TRAPPC8: variants seen among roughly 807,000 people sequenced by gnomAD.
The protein encoded by TRAPPC8 is trafficking protein particle complex subunit 8.
TRAPPC8 carries 54 observed loss-of-function variants against 174.3 expected under a neutral mutation model. The observed-to-expected ratio is 0.31, with a 90% confidence interval of 0.25 to 0.39. The LOEUF is 0.39. Ranked by LOEUF, TRAPPC8 falls within the 10% of genes least tolerant of loss-of-function variation. The probability of loss-of-function intolerance (pLI) is 1.00; values close to 1 mark genes in which losing one functional copy is unlikely to be tolerated. For missense variants in TRAPPC8, 1,531 were observed against 1,699.1 expected, an observed-to-expected ratio of 0.90 and a Z score of 1.74; for synonymous variants, 630 against 579.9, an observed-to-expected ratio of 1.09 and a Z score of -1.24.
intron 20 of TRAPPC8, among the ~76,000 whole-genome samples, chr18:31,857,256 A>C (rs2034070826): frequency 1.3e-5 from 2 of 152,208 alleles, no homozygotes; most frequent in African/African-American, 4.8e-5. Flanking sequence ...TGTTAATTTC[A>C]TTATTATGTG....
At chr18:31,903,338 A>G (rs1487198976) in intron 9 of TRAPPC8, among the ~76,000 whole-genome samples, 23 of 152,236 alleles carry the variant, frequency 1.5e-4, no homozygotes. Context: ...ATAAGCTTTC[A>G]ATCTTAAAAT....
chr18:31,941,519 G>A (rs970713940), intron 1 of TRAPPC8, among the ~76,000 whole-genome samples: 1 of 152,158 alleles, frequency 6.6e-6, no homozygotes, highest in Non-Finnish European at 1.5e-5. Flanking sequence ...CAACACTGAA[G>A]GAACTGAGAC....
chr18:31,939,146 T>C (rs1357872916), intron 1 of TRAPPC8, among the ~76,000 whole-genome samples: 1 of 137,796 alleles, frequency 7.3e-6, no homozygotes, highest in African/African-American at 2.6e-5. Flanking sequence ...AAAAAGTAGC[T>C]GTTCTAGGTG....
chr18:31,836,667 G>A (rs1012894987), intron 27 of TRAPPC8, among the ~76,000 whole-genome samples: 1 of 151,928 alleles, frequency 6.6e-6, no homozygotes, highest in African/African-American at 2.4e-5. Flanking sequence ...GGATCACCTG[G>A]AGAACTTAAG....
At chr18:31,940,976 C>T (rs1285223852) in intron 1 of TRAPPC8, among the ~76,000 whole-genome samples, 7 of 152,294 alleles carry the variant, frequency 4.6e-5, no homozygotes, top group African/African-American at 1.7e-4. Flanking sequence ...CAAATTAACA[C>T]TTCTATGCTT....
chr18:31,860,943 A>G (rs554106156), intron 19 of TRAPPC8, among the ~76,000 whole-genome samples: 1 of 152,332 alleles, frequency 6.6e-6, no homozygotes, highest in South Asian at 2.1e-4. Flanking sequence ...ATCTGTAGAT[A>G]AAAATCCAGA....
chr18:31,905,785 C>A (rs1337151574), intron 9 of TRAPPC8, among the ~76,000 whole-genome samples: 1 of 152,064 alleles, frequency 6.6e-6, no homozygotes, highest in Non-Finnish European at 1.5e-5. Flanking sequence ...CTTTATTTTC[C>A]AGTGCTATAT....
chr18:31,832,141 G>A lies in TRAPPC8; in HGVS notation c.4016C>T (p.Ser1339Phe). 1 of 1,551,422 alleles carries A rather than the reference G, an allele frequency of 6.4e-7. No homozygotes were observed. Among genetic ancestry groups the A allele is most frequent in the Non-Finnish European group, 8.6e-7 (1 of 1,158,966 alleles). ...LCLVPVTLLL[S>F]NCSKADVDVI... ...ATCTACATCAGCCTTAGAACAATTGGAAAGTAAAAGAGTGACTGGTACTAA... is the reference window on the plus strand; with the variant it reads ...ATCTACATCAGCCTTAGAACAATTGAAAAGTAAAAGAGTGACTGGTACTAA... The change falls in exon 28 of 29, where the codon TCC becomes TTC. Residue 1339 changes from serine to phenylalanine, a missense_variant. Ser to Phe is a radical substitution (Grantham distance 155). Coordinates refer to ENST00000283351, the MANE Select transcript of TRAPPC8 (RefSeq NM_014939.5).
At chr18:31,913,333 T>G in intron 5 of TRAPPC8, 36 bp downstream of exon 5, 1 of 1,535,286 alleles carries the variant, frequency 6.5e-7, no homozygotes, top group Admixed American at 2.3e-5. Flanking sequence ...TGAAGTATCG[T>G]TTTTGTGGTT....
At chr18:31,871,191 A>G (rs1252811916) in intron 14 of TRAPPC8, 71 bp from the exon 15 acceptor site, 5 of 879,894 alleles carry the variant, frequency 5.7e-6, no homozygotes, top group Non-Finnish European at 8.2e-6. Flanking sequence ...AAATAGACAT[A>G]AGGTACAGAA....
chr18:31,832,168 CA>C lies in TRAPPC8; in HGVS notation c.3988del (p.Cys1330ValfsTer2). 6.6e-7 allele frequency: 1 copy of C among 1,505,890 alleles called. No individual in the cohort carries two copies. The highest frequency in any genetic ancestry group is 2.6e-5 in the Admixed American group (1 of 38,268). The allele number at this position is 1,505,890 out of a possible 1,614,324, so 93.3% of individuals were successfully genotyped here. A position where few individuals can be genotyped will look rare whatever the true frequency, so the allele number is the denominator to read the frequency against. On this transcript the variant is annotated frameshift_variant, in exon 28 of 29. Coordinates refer to ENST00000283351, the MANE Select transcript of TRAPPC8 (RefSeq NM_014939.5). LOFTEE classifies it high-confidence loss of function. ...FNHPFHQKSL[C>X]LVPVTLLLSN... is the part of the protein sequence containing the mutation. ...AAGTAAAAGAGTGACTGGTACTAAA[CA>C]AAGGCTATGGAAGAAAAATAAACAA... is the stretch of plus-strand genomic sequence containing the variant.
chr18:31,887,336 AG>A (rs1187099987), intron 12 of TRAPPC8, among the ~76,000 whole-genome samples: 2 of 152,208 alleles, frequency 1.3e-5, no homozygotes, highest in Non-Finnish European at 2.9e-5. Context: ...TGGGTATCAA[AG>A]GAACATACCT....
rs2035049950 is a variant in TRAPPC8 at position 31,874,599 on chromosome 18, AG to A, written c.1833del (p.Tyr612IlefsTer17). ...GCATTATCCAGCTGTCTAAGAGTAT[AG>A]GACTGGCGCCCAATAGTGAAATTAA... ...DHINFTIGRQSYTLRQLDNAV... is the reference protein window; with the variant it reads ...DHINFTIGRQXYTLRQLDNAV... On this transcript the variant is annotated frameshift_variant, in exon 13 of 29. Coordinates refer to ENST00000283351, the MANE Select transcript of TRAPPC8 (RefSeq NM_014939.5). LOFTEE classifies it high-confidence loss of function. 1 of 1,614,036 alleles carries A rather than the reference AG, an allele frequency of 6.2e-7. No homozygotes were observed. The highest frequency in any genetic ancestry group is 8.5e-7 in the Non-Finnish European group (1 of 1,180,016).
At chr18:31,877,923 CAAAAA>C (rs147914322) in intron 12 of TRAPPC8, among the ~76,000 whole-genome samples, 1 of 74,634 alleles carries the variant, frequency 1.3e-5, no homozygotes. Context: ...AACTCTGTCT[CAAAAA>C]AAAAAAAAAA....
intron 2 of TRAPPC8, among the ~76,000 whole-genome samples, chr18:31,921,715 T>C (rs969823268): frequency 3.9e-5 from 6 of 152,152 alleles, no homozygotes; most frequent in East Asian, 1.9e-4. Context: ...CAATGTATAA[T>C]GTAGCTTTCT....
In TRAPPC8 at chr18:31,870,508, A is replaced by T. The variant is rs566324810; in HGVS notation, c.2258-6T>A. ...CACTTCCACTGTAATTGGTTCTATT[A>T]AAAAAAAGGCCTAAATTAATAACTT... On this transcript the variant is annotated splice_polypyrimidine_tract_variant and splice_region_variant and intron_variant, in intron 15 of 28. Coordinates refer to ENST00000283351, the MANE Select transcript of TRAPPC8 (RefSeq NM_014939.5). 2.0e-5 allele frequency: 31 copies of T among 1,574,982 alleles called. No individual in the cohort carries two copies. Among genetic ancestry groups the T allele is most frequent in the South Asian group, 5.9e-5 (5 of 84,798 alleles).
In TRAPPC8 at chr18:31,846,798, C is replaced by G. The variant is rs1340147633; in HGVS notation, c.3755G>C (p.Ser1252Thr). Residue 1252 changes from serine (S) to threonine (T), a missense_variant, in exon 26 of 29, where the codon AGT (serine) becomes ACT (threonine). By Grantham distance (58) the Ser-to-Thr change is moderately conservative (BLOSUM62 1). Transcript: ENST00000283351. The part of the protein sequence containing the change: ...ILWKAYVVED[S>T]KQLILEGQHH... Reference sequence around the variant, plus strand: ...TTGACCTTCCAAAATAAGCTGTTTACTGTCTTCCACAACGTATGCCTAAAA... The same window carrying G: ...TTGACCTTCCAAAATAAGCTGTTTAGTGTCTTCCACAACGTATGCCTAAAA... 3 of 1,612,152 alleles carry G rather than the reference C, an allele frequency of 1.9e-6. No homozygotes were observed. The highest frequency in any genetic ancestry group is 2.5e-6 in the Non-Finnish European group (3 of 1,178,810).
rs962104614 is a variant in TRAPPC8 at position 31,857,847 on chromosome 18, C to T, written c.2881G>A (p.Gly961Ser). ...VSKRPEFFTF[G>S]GNTAVLTPLS... ...GGTGTTAGAACAGCAGTATTACCAC[C>T]GAAAGTAAAGAACTCTGGACGTTTA... The change falls in exon 20 of 29, where the codon GGT (glycine) becomes AGT (serine). Residue 961 changes from glycine (G) to serine (S), a missense_variant. Coordinates refer to ENST00000283351, the MANE Select transcript of TRAPPC8 (RefSeq NM_014939.5). 8 of 1,614,012 alleles carry T rather than the reference C, an allele frequency of 5.0e-6. No homozygotes were observed. Among genetic ancestry groups the T allele is most frequent in the Non-Finnish European group, 6.8e-6 (8 of 1,180,034 alleles).
intron 1 of TRAPPC8, among the ~76,000 whole-genome samples, chr18:31,935,355 C>T (rs1161844372): frequency 6.2e-5 from 1 of 16,064 alleles, no homozygotes; most frequent in Non-Finnish European, 1.2e-4. Flanking sequence ...AACAAACAAA[C>T]AAACAAACCA....
Sources: allele counts gnomAD v4.1 joint callset (sites outside exome capture counted in the v4.1 genomes callset), GRCh38; gene constraint gnomAD v4.1.1; transcripts MANE v1.5; gene names NCBI Gene and HGNC (gene_info 2026-07-23, HGNC 2026-07-21).